Variants in DNAJB6 observed in about 807,000 individuals in gnomAD.
DNAJB6 encodes DnaJ heat shock protein family (Hsp40) member B6.
DNAJB6 carries 16 observed loss-of-function variants against 42.7 expected under a neutral mutation model. That is an observed-to-expected ratio of 0.37 (90% CI 0.25 to 0.57). DNAJB6 has a LOEUF of 0.57. Among genes scored for constraint, DNAJB6 ranks in the 20% least tolerant of loss-of-function variants. The probability of loss-of-function intolerance (pLI) is 0.74; values close to 1 mark genes in which losing one functional copy is unlikely to be tolerated. For missense variants in DNAJB6, 347 were observed against 416.8 expected, an observed-to-expected ratio of 0.83 and a Z score of 1.46; for synonymous variants, 170 against 163.5, an observed-to-expected ratio of 1.04 and a Z score of -0.30.
intron 8 of DNAJB6, chr7:157,386,231 C>G: frequency 1.0e-6 from 1 of 975,574 alleles, no homozygotes; most frequent in African/African-American, 1.8e-5. Flanking sequence ...AAAAGTAAAG[C>G]TGGTAAACTG....
rs1377412653 is a variant in DNAJB6 at position 157,383,599 on chromosome 7, CTGTA to C, written c.478+1226_478+1229del. On this transcript the variant is annotated intron_variant, in intron 6 of 9. Coordinates refer to ENST00000262177, the MANE Select transcript of DNAJB6 (RefSeq NM_058246.4). ...CCTTTTTAAAAGTAATCAGTGGCTC[CTGTA>C]TGTGTGTTTGTGTGTGTGTGTGTGT... 4.4e-5 allele frequency among the ~76,000 whole-genome samples: 5 copies of C among 114,624 alleles called. No homozygotes were observed. In the South Asian group the frequency reaches 8.4e-4, roughly 19 times the overall value. The allele number at this position is 114,624 out of a possible 152,430, so 75.2% of individuals were successfully genotyped here.
At chr7:157,365,286 A>T (rs1220262589) in intron 3 of DNAJB6, among the ~76,000 whole-genome samples, 9 of 152,278 alleles carry the variant, frequency 5.9e-5, no homozygotes, top group African/African-American at 2.2e-4. Context: ...AGATGGTGTC[A>T]TGTCAGAAGT....
intron 2 of DNAJB6, among the ~76,000 whole-genome samples, chr7:157,360,309 A>G (rs1034456414): frequency 1.3e-5 from 2 of 152,308 alleles, no homozygotes; most frequent in Non-Finnish European, 2.9e-5. Flanking sequence ...TATTATCAGG[A>G]GAATAGCACG....
Position 157,366,640 on chromosome 7 carries a change from C to A in DNAJB6, c.235+79C>A. The A allele has an allele frequency of 3.7e-6, 5 of 1,363,276 alleles. No homozygotes were observed. In the South Asian group the frequency reaches 4.8e-5, roughly 13 times the overall value. 84.4% of individuals were successfully genotyped at this position (1,363,276 alleles called of 1,614,324 possible). A position where few individuals can be genotyped will look rare whatever the true frequency, so the allele number is the denominator to read the frequency against. ...GTTTGTAAATCACGAGTCTCTTGGTCAGAGTCGATTTTGTATCAGTAAATA... is the reference window on the plus strand; with the variant it reads ...GTTTGTAAATCACGAGTCTCTTGGTAAGAGTCGATTTTGTATCAGTAAATA... On this transcript the variant is annotated intron_variant, in intron 4 of 9. Transcript: ENST00000262177.
chr7:157,379,331 T>C (rs1385216329), intron 5 of DNAJB6: 1 of 152,140 alleles, frequency 6.6e-6, no homozygotes, highest in African/African-American at 2.4e-5. Context: ...TTTAAAGAAA[T>C]TGTGACTAAA....
At chr7:157,392,125 C>G (rs1448256533) in intron 8 of DNAJB6, among the ~76,000 whole-genome samples, 1 of 144,660 alleles carries the variant, frequency 6.9e-6, no homozygotes, top group Non-Finnish European at 1.5e-5. Flanking sequence ...AAAGGATAGT[C>G]ATAAATGATT....
intron 2 of DNAJB6, among the ~76,000 whole-genome samples, chr7:157,359,339 A>G (rs532313292): frequency 6.6e-6 from 1 of 152,328 alleles, no homozygotes; most frequent in East Asian, 1.9e-4. Flanking sequence ...CTGAAGATAG[A>G]ATTAACTTTT....
intron 8 of DNAJB6, among the ~76,000 whole-genome samples, chr7:157,409,230 G>A (rs769246455): frequency 9.2e-5 from 14 of 152,164 alleles, no homozygotes; most frequent in Non-Finnish European, 2.1e-4. Flanking sequence ...AAGCCGGCCC[G>A]TCTTGGGTGT....
intron 6 of DNAJB6, among the ~76,000 whole-genome samples, chr7:157,383,382 G>C (rs1275490895): frequency 6.6e-6 from 1 of 152,066 alleles, no homozygotes; most frequent in African/African-American, 2.4e-5. Flanking sequence ...GTTATATAGG[G>C]TTCCTTCTTC....
intron 5 of DNAJB6, chr7:157,369,180 A>C (rs901985288): frequency 2.3e-6 from 1 of 426,526 alleles, no homozygotes; most frequent in Non-Finnish European, 4.7e-6. Context: ...TGCTGTAATC[A>C]CTGCTGCCAT....
At chr7:157,411,569 T>A (rs1795977530) in intron 9 of DNAJB6, 4 of 152,378 alleles carry the variant, frequency 2.6e-5, no homozygotes, top group African/African-American at 9.7e-5. Context: ...AGGTGCAGGA[T>A]AGAGCAGGGT....
chr7:157,358,084 G>T (rs968240416), intron 1 of DNAJB6, among the ~76,000 whole-genome samples: 4 of 152,164 alleles, frequency 2.6e-5, no homozygotes, highest in Admixed American at 2.0e-4. Context: ...GCTTTCTATT[G>T]TTCCCATGTG....
At chr7:157,341,006 G>GCT (rs764073499) in intron 1 of DNAJB6, among the ~76,000 whole-genome samples, 1 of 142,582 alleles carries the variant, frequency 7.0e-6, no homozygotes, top group African/African-American at 2.5e-5. Flanking sequence ...GTGCGCGCGC[G>GCT]CAGGTGGAAT....
chr7:157,397,090 A>G (rs771454586), intron 8 of DNAJB6, among the ~76,000 whole-genome samples: 2 of 152,196 alleles, frequency 1.3e-5, no homozygotes, highest in African/African-American at 2.4e-5. Flanking sequence ...GTGTGTGTGC[A>G]GAATCCAGGC....
chr7:157,385,210 T>A (rs1800993281), intron 7 of DNAJB6, among the ~76,000 whole-genome samples: 1 of 151,768 alleles, frequency 6.6e-6, no homozygotes, highest in Non-Finnish European at 1.5e-5. Flanking sequence ...AGAGGGAATC[T>A]TTAATGTAAT....
At chr7:157,403,291 G>A (rs59291273) in intron 8 of DNAJB6, among the ~76,000 whole-genome samples, 3,066 of 152,254 alleles carry the variant, frequency 0.02, 139 homozygotes, top group East Asian at 0.18. Flanking sequence ...TCAGATATGC[G>A]TTTGTTTCGG....
intron 1 of DNAJB6, chr7:157,337,442 G>C (rs1798101086): frequency 6.6e-6 from 1 of 152,368 alleles, no homozygotes; most frequent in Non-Finnish European, 1.5e-5. Flanking sequence ...GCGGTTGGGG[G>C]TGGGGCCCGG....
At chr7:157,403,887 T>C (rs1795642259) in intron 8 of DNAJB6, among the ~76,000 whole-genome samples, 1 of 152,022 alleles carries the variant, frequency 6.6e-6, no homozygotes, top group Admixed American at 6.6e-5. Context: ...TGCCTTCCTG[T>C]CCACCCTGAC....
Position 157,365,761 on chromosome 7 carries a change from T to C in DNAJB6, c.176-741T>C, listed in dbSNP as rs146775462. Among the ~76,000 whole-genome samples the C allele has an allele frequency of 7.4e-4, 113 of 152,138 alleles. 1 individual carries two copies. The highest frequency in any genetic ancestry group is 2.6e-3 in the African/African-American group (109 of 41,496). ...CTCACTGCAACTTCTGCCTCCTGGG[T>C]TCAAGCGATTCTCCTGCTTCAGTCC... On this transcript the variant is annotated intron_variant, in intron 3 of 9. Coordinates refer to ENST00000262177, the MANE Select transcript of DNAJB6 (RefSeq NM_058246.4).
Sources: allele counts gnomAD v4.1 joint callset (sites outside exome capture counted in the v4.1 genomes callset), GRCh38; gene constraint gnomAD v4.1.1; transcripts MANE v1.5; gene names NCBI Gene and HGNC (gene_info 2026-07-23, HGNC 2026-07-21).